The following TNFAIP8 variants were observed in gnomAD, a reference collection of about 807,000 sequenced individuals.
TNFAIP8 encodes TNF alpha induced protein 8.
TNFAIP8 carries 7 observed loss-of-function variants against 13.3 expected under a neutral mutation model. The observed-to-expected ratio is 0.52, with a 90% CI of 0.30 to 0.99. The LOEUF is 0.99. Ranked by LOEUF, TNFAIP8 falls within the 50% of genes least tolerant of loss-of-function variation. TNFAIP8 has a pLI of 0.07. For missense variants in TNFAIP8, 258 were observed against 236.9 expected (o/e 1.09, Z -0.58); for synonymous variants, 94 against 87.6 (o/e 1.07, Z -0.41).
intron 1 of TNFAIP8, among the ~76,000 whole-genome samples, chr5:119,362,656 C>T (rs1457725951): frequency 1.3e-5 from 2 of 151,870 alleles, no homozygotes; most frequent in African/African-American, 4.8e-5. Flanking sequence ...AAAAATTAGG[C>T]ACAGTGGAAT....
chr5:119,336,669 A>G (rs890304209), intron 1 of TNFAIP8, among the ~76,000 whole-genome samples: 1 of 152,150 alleles, frequency 6.6e-6, no homozygotes, highest in African/African-American at 2.4e-5. Context: ...AGCCTCCCCT[A>G]TTTCTTATTT....
At chr5:119,310,611 G>GAT (rs957709729) in intron 1 of TNFAIP8, among the ~76,000 whole-genome samples, 5 of 152,162 alleles carry the variant, frequency 3.3e-5, no homozygotes, top group African/African-American at 1.2e-4. Flanking sequence ...GAGGCAGGTA[G>GAT]ATCACTTGAG....
chr5:119,285,197 T>C (rs1561982627), intron 1 of TNFAIP8, among the ~76,000 whole-genome samples: 1 of 152,210 alleles, frequency 6.6e-6, no homozygotes, highest in African/African-American at 2.4e-5. Context: ...GTATATAATA[T>C]TGCTGAGATG....
chr5:119,365,067 G>A (rs1324454643), intron 1 of TNFAIP8, among the ~76,000 whole-genome samples: 3 of 151,854 alleles, frequency 2.0e-5, no homozygotes, highest in African/African-American at 7.3e-5. Context: ...GGCCAGGCTG[G>A]TCTCAAACTC....
chr5:119,392,575 C>T (rs181818230), intron 1 of TNFAIP8, among the ~76,000 whole-genome samples: 290 of 152,176 alleles, frequency 1.9e-3, no homozygotes, highest in African/African-American at 6.5e-3. Flanking sequence ...TGGTCTCAAA[C>T]TCCTGATCTC....
At chr5:119,345,636 G>A (rs1046129518) in intron 1 of TNFAIP8, among the ~76,000 whole-genome samples, 1 of 152,234 alleles carries the variant, frequency 6.6e-6, no homozygotes, top group African/African-American at 2.4e-5. Context: ...TCCACTGAAT[G>A]TAAGTTACCT....
intron 1 of TNFAIP8, among the ~76,000 whole-genome samples, chr5:119,338,351 C>A (rs1211321960): frequency 6.6e-6 from 1 of 152,202 alleles, no homozygotes; most frequent in Non-Finnish European, 1.5e-5. Flanking sequence ...CAGCATCAAG[C>A]TGTGAGTCGG....
intron 1 of TNFAIP8, among the ~76,000 whole-genome samples, chr5:119,309,434 G>T (rs1320207533): frequency 1.3e-5 from 2 of 152,024 alleles, no homozygotes; most frequent in African/African-American, 4.8e-5. Flanking sequence ...AAGCTTGAGG[G>T]TGGTGATGCT....
At chr5:119,353,417 T>C (rs1406223083), upstream of TNFAIP8, among the ~76,000 whole-genome samples, 1 of 152,238 alleles carries the variant, frequency 6.6e-6, no homozygotes, top group Non-Finnish European at 1.5e-5. Flanking sequence ...CAATGCAGCC[T>C]GCCCAGAGCA....
Position 119,301,476 on chromosome 5 carries a change from C to T in TNFAIP8, c.1+32569C>T, listed in dbSNP as rs529821276. ...CTCAGCAGCAGCAGCTGCTTCTTTC[C>T]CTGGGTTTTCATGACACTTTCTGCA... On this transcript the variant is annotated intron_variant, in intron 1 of 1. Coordinates refer to the TNFAIP8 transcript ENST00000274456. 4.6e-5 allele frequency among the ~76,000 whole-genome samples: 7 copies of T among 152,262 alleles called. 1 individual carries two copies. The highest frequency in any genetic ancestry group is 1.7e-4 in the African/African-American group (7 of 41,548).
chr5:119,360,547 C>T (rs1751592571), intron 1 of TNFAIP8, among the ~76,000 whole-genome samples: 1 of 152,176 alleles, frequency 6.6e-6, no homozygotes, highest in South Asian at 2.1e-4. Flanking sequence ...CATAGAATCA[C>T]CATGATTTAG....
intron 1 of TNFAIP8, among the ~76,000 whole-genome samples, chr5:119,299,363 A>C (rs1209428160): frequency 6.6e-6 from 1 of 152,136 alleles, no homozygotes; most frequent in Admixed American, 6.6e-5. Flanking sequence ...GGAGTTTGCT[A>C]GAGGTCCACT....
rs773448129 is a variant in TNFAIP8, at chr5:119,394,293, G to A, written c.*912G>A. ...CAATTTAGGGGAATGAGGGGCAAAA[G>A]GGGAGAAATACTGCTAAAGAACATG... is the stretch of plus-strand genomic sequence containing the variant. On this transcript the variant is annotated 3_prime_UTR_variant, in exon 2 of 2. Coordinates refer to ENST00000504771, the MANE Select transcript of TNFAIP8 (RefSeq NM_014350.4). 6.6e-6 allele frequency: 1 copy of A among 152,130 alleles called. No homozygotes were observed. The highest frequency in any genetic ancestry group is 1.5e-5 in the Non-Finnish European group (1 of 68,018). The allele number at this position is 152,130 out of a possible 1,614,324, so 9.4% of individuals were successfully genotyped here. A position where few individuals can be genotyped will look rare whatever the true frequency, so the allele number is the denominator to read the frequency against.
intron 1 of TNFAIP8, among the ~76,000 whole-genome samples, chr5:119,303,736 A>G (rs1243399725): frequency 6.6e-6 from 1 of 152,246 alleles, no homozygotes; most frequent in Admixed American, 6.5e-5. Flanking sequence ...TCTTCCAAGC[A>G]GGGCCACACA....
In TNFAIP8 at chr5:119,380,275, G is replaced by A. The variant is rs567809351; in HGVS notation, c.32-12541G>A. On this transcript the variant is annotated intron_variant, in intron 1 of 1. Transcript: ENST00000504771. Reference sequence around the variant, plus strand: ...GTAAGTTTTCTTGTCTTTGTTATGTGGCCAGGAGCAACCTGATGAAACCAG... The same window carrying A: ...GTAAGTTTTCTTGTCTTTGTTATGTAGCCAGGAGCAACCTGATGAAACCAG... 2.0e-5 allele frequency among the ~76,000 whole-genome samples: 3 copies of A among 152,204 alleles called. No individual in the cohort carries two copies. In the South Asian group the frequency reaches 6.2e-4, roughly 31 times the overall value.
chr5:119,366,204 G>T (rs11957102), intron 1 of TNFAIP8, among the ~76,000 whole-genome samples: 29,858 of 151,948 alleles, frequency 0.2, 3,129 homozygotes, highest in Non-Finnish European at 0.22. Context: ...AGTATAATAG[G>T]CAAGAGACCA....
chr5:119,363,960 A>G (rs76352049), intron 1 of TNFAIP8, among the ~76,000 whole-genome samples: 2,954 of 152,326 alleles, frequency 0.019, 90 homozygotes, highest in African/African-American at 0.067. Flanking sequence ...TTTATTCTAA[A>G]GGATGCAACT....
At chr5:119,300,648 C>A (rs529177728) in intron 1 of TNFAIP8, among the ~76,000 whole-genome samples, 1 of 152,058 alleles carries the variant, frequency 6.6e-6, no homozygotes, top group Non-Finnish European at 1.5e-5. Context: ...TTTTTGTTCC[C>A]GTTTTGCAAT....
intron 1 of TNFAIP8, among the ~76,000 whole-genome samples, chr5:119,367,755 T>C (rs1751915197): frequency 6.6e-6 from 1 of 152,300 alleles, no homozygotes; most frequent in East Asian, 1.9e-4. Flanking sequence ...AAAGCGGGGA[T>C]TTCTGGACAG....
Sources: gnomAD v4.1 joint callset for allele counts (sites outside exome capture counted in the v4.1 genomes callset) on GRCh38, gnomAD v4.1.1 for gene constraint, MANE v1.5 for transcripts, NCBI Gene and HGNC (gene_info 2026-07-23, HGNC 2026-07-21) for gene names.